Variants in SAMMSON observed in about 807,000 individuals in gnomAD.
SAMMSON encodes the protein long intergenic non-protein coding RNA 1212.
intron 9 of SAMMSON, among the ~76,000 whole-genome samples, chr3:70,359,107 G>GA (rs1361848613): frequency 6.6e-6 from 1 of 151,552 alleles, no homozygotes; most frequent in Non-Finnish European, 1.5e-5. Flanking sequence ...AAAAATATCA[G>GA]AAAACATCAT....
chr3:70,200,334 C>T (rs1277918859), intron 4 of SAMMSON, among the ~76,000 whole-genome samples: 1 of 152,180 alleles, frequency 6.6e-6, no homozygotes, highest in African/African-American at 2.4e-5. Flanking sequence ...TTGCCTTAGC[C>T]TACAAGCCCT....
At chr3:70,340,942 G>A (rs371389140) in intron 7 of SAMMSON, among the ~76,000 whole-genome samples, 2 of 152,130 alleles carry the variant, frequency 1.3e-5, no homozygotes, top group Admixed American at 1.3e-4. Context: ...GATCTTGAAT[G>A]AGTTAATAAG....
At chr3:70,393,794 T>G (rs1013566905), downstream of SAMMSON, among the ~76,000 whole-genome samples, 1 of 151,954 alleles carries the variant, frequency 6.6e-6, no homozygotes, top group African/African-American at 2.4e-5. Flanking sequence ...AAGGCAGAGG[T>G]AGGGGCGGAG....
intron 7 of SAMMSON, among the ~76,000 whole-genome samples, chr3:70,311,075 G>C (rs1012566549): frequency 4.6e-5 from 7 of 151,940 alleles, no homozygotes; most frequent in African/African-American, 1.7e-4. Context: ...CATTATTTTG[G>C]TGTTGTCTAA....
At chr3:70,358,803 T>A (rs1702849709) in intron 9 of SAMMSON, among the ~76,000 whole-genome samples, 1 of 152,168 alleles carries the variant, frequency 6.6e-6, no homozygotes, top group Non-Finnish European at 1.5e-5. Flanking sequence ...TTGATTACTT[T>A]CTTCAATGAT....
chr3:70,266,157 A>G (rs1190184649), intron 6 of SAMMSON, among the ~76,000 whole-genome samples: 1 of 152,180 alleles, frequency 6.6e-6, no homozygotes, highest in African/African-American at 2.4e-5. Context: ...CCTTAAGCAG[A>G]ATGTTGCTTT....
At chr3:70,305,533 T>C (rs545427666) in intron 7 of SAMMSON, among the ~76,000 whole-genome samples, 2 of 152,334 alleles carry the variant, frequency 1.3e-5, no homozygotes, top group East Asian at 1.9e-4. Flanking sequence ...TTAGTTATTA[T>C]AATAAAGCAC....
At chr3:70,271,547 G>C (rs547014660) in intron 6 of SAMMSON, among the ~76,000 whole-genome samples, 5 of 152,268 alleles carry the variant, frequency 3.3e-5, no homozygotes, top group African/African-American at 1.2e-4. Flanking sequence ...TGCAAATGTT[G>C]ACAAAATTTG....
chr3:70,234,689 T>A (rs1392527480), intron 4 of SAMMSON, among the ~76,000 whole-genome samples: 1 of 151,952 alleles, frequency 6.6e-6, no homozygotes, highest in African/African-American at 2.4e-5. Context: ...TGGTCACAAG[T>A]AATGGACACA....
chr3:70,413,849 T>C (rs748813051), intron 2 of SAMMSON, among the ~76,000 whole-genome samples: 10 of 152,152 alleles, frequency 6.6e-5, no homozygotes, highest in Non-Finnish European at 1.5e-4. Flanking sequence ...TAAATAGCTC[T>C]GCCATTATTA....
intron 4 of SAMMSON, chr3:70,196,900 T>C (rs1444563422): frequency 2.5e-6 from 1 of 398,396 alleles, no homozygotes; most frequent in African/African-American, 2.1e-5. Flanking sequence ...CCAAAAGGAC[T>C]GCCGGAATGT....
intron 6 of SAMMSON, among the ~76,000 whole-genome samples, chr3:70,262,114 G>A (rs962436612): frequency 2.0e-5 from 3 of 152,084 alleles, no homozygotes; most frequent in African/African-American, 7.2e-5. Flanking sequence ...CGACAGTATT[G>A]CCTTCTATGT....
At chr3:70,082,740 C>T (rs998413935) in intron 4 of SAMMSON, among the ~76,000 whole-genome samples, 3 of 152,180 alleles carry the variant, frequency 2.0e-5, no homozygotes, top group African/African-American at 7.2e-5. Flanking sequence ...TAAAACAGGA[C>T]TGTCCATGAA....
At chr3:70,073,137 T>C (rs139407847) in intron 4 of SAMMSON, among the ~76,000 whole-genome samples, 57 of 152,142 alleles carry the variant, frequency 3.7e-4, no homozygotes, top group African/African-American at 1.3e-3. Flanking sequence ...GACAGAACCA[T>C]GGGACTCCAG....
chr3:70,207,348 T>C (rs999563246), intron 4 of SAMMSON, among the ~76,000 whole-genome samples: 8 of 152,106 alleles, frequency 5.3e-5, no homozygotes, highest in African/African-American at 1.9e-4. Context: ...CCTTGGTATT[T>C]AAGTTCCTAT....
chr3:70,424,095 G>T (rs1701334859), intron 2 of SAMMSON, among the ~76,000 whole-genome samples: 1 of 152,150 alleles, frequency 6.6e-6, no homozygotes, highest in African/African-American at 2.4e-5. Flanking sequence ...GTGTAGAAAA[G>T]ATTACCTTAA....
intron 4 of SAMMSON, among the ~76,000 whole-genome samples, chr3:70,135,023 C>T (rs1222554440): frequency 6.6e-6 from 1 of 152,140 alleles, no homozygotes; most frequent in East Asian, 1.9e-4. Flanking sequence ...GTATTTTTAT[C>T]TGCACTAAAG....
At chr3:70,103,830 T>G (rs1035982375) in intron 4 of SAMMSON, among the ~76,000 whole-genome samples, 1 of 152,034 alleles carries the variant, frequency 6.6e-6, no homozygotes, top group Non-Finnish European at 1.5e-5. Flanking sequence ...TATCACACAT[T>G]CTTGCAAAAA....
chr3:70,108,837 G>C (rs2067377777), intron 4 of SAMMSON, among the ~76,000 whole-genome samples: 2 of 152,086 alleles, frequency 1.3e-5, no homozygotes, highest in Admixed American at 1.3e-4. Context: ...TCAGTTTCCA[G>C]ACCAATGAAA....
Sources: allele counts gnomAD v4.1 joint callset (sites outside exome capture counted in the v4.1 genomes callset), GRCh38; gene constraint gnomAD v4.1.1; transcripts MANE v1.5; gene names NCBI Gene and HGNC (gene_info 2026-07-23, HGNC 2026-07-21).